CNRIP1: variants seen among roughly 807,000 people sequenced by gnomAD.
The protein encoded by CNRIP1 is cannabinoid receptor interacting protein 1, also known as CB1 cannabinoid receptor-interacting protein 1.
A neutral mutation model predicts 15.2 loss-of-function variants in CNRIP1; 10 were observed. That is an observed-to-expected ratio of 0.66 (90% confidence interval 0.41 to 1.12). CNRIP1 has a LOEUF of 1.12. Ranked by LOEUF, CNRIP1 falls within the 50% of genes most tolerant of loss-of-function variation. The pLI, the probability that CNRIP1 is intolerant of heterozygous loss-of-function variation, is 0.00. For missense variants in CNRIP1, 211 were observed against 214.7 expected (o/e 0.98, Z 0.11); for synonymous variants, 91 against 83.2 (o/e 1.09, Z -0.51).
chr2:68,303,879 C>A (rs1238216724), intron 2 of CNRIP1, among the ~76,000 whole-genome samples: 1 of 152,148 alleles, frequency 6.6e-6, no homozygotes, highest in Non-Finnish European at 1.5e-5. Context: ...GAGTTTGAGA[C>A]CAGCTTGGCA....
At chr2:68,288,813 T>G (rs1463331228), downstream of CNRIP1, among the ~76,000 whole-genome samples, 1 of 152,142 alleles carries the variant, frequency 6.6e-6, no homozygotes, top group African/African-American at 2.4e-5. Flanking sequence ...AAACAAACAC[T>G]GCAGGAGAGT....
At chr2:68,286,366 T>A (rs1287381672) in intron 2 of CNRIP1, among the ~76,000 whole-genome samples, 1 of 151,978 alleles carries the variant, frequency 6.6e-6, no homozygotes, top group Admixed American at 6.6e-5. Flanking sequence ...ATTATATAGA[T>A]CTACTTCACA....
Position 68,319,336 on chromosome 2 carries a change from G to T in CNRIP1, c.65C>A (p.Pro22Gln). Residue 22 changes from proline (P) to glutamine (Q), a missense_variant, in exon 1 of 3, where the codon CCG becomes CAG. Transcript: ENST00000263655. The part of the protein sequence containing the change: ...IALRIQPNDG[P>Q]VFYKVDGQRF... ...CTGCCCGTCCACCTTGTAAAAGACCGGGCCGTCATTAGGCTGGATGCGCAG... is the reference window on the plus strand; with the variant it reads ...CTGCCCGTCCACCTTGTAAAAGACCTGGCCGTCATTAGGCTGGATGCGCAG... 1 of 1,573,076 alleles carries T rather than the reference G, an allele frequency of 6.4e-7. No homozygotes were observed. The highest frequency in any genetic ancestry group is 8.6e-7 in the Non-Finnish European group (1 of 1,159,174).
At chr2:68,314,873 A>G (rs985120198) in intron 2 of CNRIP1, among the ~76,000 whole-genome samples, 2 of 152,070 alleles carry the variant, frequency 1.3e-5, no homozygotes, top group Non-Finnish European at 2.9e-5. Flanking sequence ...CTGAAATAAT[A>G]TCTAAATCTG....
At position 68,306,124 on chromosome 2, in the gene CNRIP1, C is replaced by CAAAAAAAAAAAAAAAAAAAAAA. The variant is rs61586261; in HGVS notation, c.330+11011_330+11032dup. Reference sequence around the variant, plus strand: ...CTGGGCAGCAGAGACCCCACCTCTACAAAAAAAAAAAAAAAAAAAAAAAAA... The same window carrying CAAAAAAAAAAAAAAAAAAAAAA: ...CTGGGCAGCAGAGACCCCACCTCTACAAAAAAAAAAAAAAAAAAAAAAAAAAAAAAAAAAAAAAAAAAAAAAA... On this transcript the variant is annotated intron_variant, in intron 2 of 2. Coordinates refer to ENST00000263655, the MANE Select transcript of CNRIP1 (RefSeq NM_015463.3). 1.0e-3 allele frequency among the ~76,000 whole-genome samples: 26 copies of CAAAAAAAAAAAAAAAAAAAAAA among 25,340 alleles called. 4 individuals are homozygous for CAAAAAAAAAAAAAAAAAAAAAA. The highest frequency in any genetic ancestry group is 2.3e-3 in the African/African-American group (16 of 6,836). 16.6% of individuals were successfully genotyped at this position (25,340 alleles called of 152,430 possible).
At chr2:68,284,477 A>G (rs1340180535) in exon 3 of CNRIP1, 4 of 1,540,344 alleles carry the variant, frequency 2.6e-6, no homozygotes, top group Non-Finnish European at 8.8e-7. Flanking sequence ...TCGTTGTTCC[A>G]GGCACTCCTG....
At chr2:68,315,086 AAATT>A (rs1672221018) in intron 2 of CNRIP1, among the ~76,000 whole-genome samples, 3 of 152,120 alleles carry the variant, frequency 2.0e-5, no homozygotes, top group Non-Finnish European at 4.4e-5. Context: ...AACAAAATAA[AAATT>A]AAAATATTAA....
downstream of CNRIP1, among the ~76,000 whole-genome samples, chr2:68,291,358 C>G (rs1671164103): frequency 6.6e-6 from 1 of 151,858 alleles, no homozygotes; most frequent in Non-Finnish European, 1.5e-5. Flanking sequence ...CTTCAGAATT[C>G]TACTAGTCTA....
chr2:68,293,810 C>T lies in CNRIP1; in HGVS notation c.*52G>A. 6.3e-7 allele frequency: 1 copy of T among 1,594,338 alleles called. No homozygotes were observed. Among genetic ancestry groups the T allele is most frequent in the Non-Finnish European group, 8.6e-7 (1 of 1,166,742 alleles). ...TTGTTTAAGGCCTGCGCTGGTTTAT[C>T]TAAAAGTAGATTTCTGAAAAGATTG... On this transcript the variant is annotated 3_prime_UTR_variant, in exon 3 of 3. Transcript: ENST00000263655.
chr2:68,307,241 G>A (rs1471618044), intron 2 of CNRIP1, among the ~76,000 whole-genome samples: 3 of 152,226 alleles, frequency 2.0e-5, no homozygotes, highest in African/African-American at 7.2e-5. Context: ...ACAATTGTAT[G>A]TATTGTCTAA....
chr2:68,301,565 G>A (rs1284981471), intron 2 of CNRIP1, among the ~76,000 whole-genome samples: 1 of 152,062 alleles, frequency 6.6e-6, no homozygotes, highest in African/African-American at 2.4e-5. Context: ...AGAGTAAAAC[G>A]GTCTATCCAG....
In CNRIP1 at chr2:68,304,924, C is replaced by G. The variant is rs542771431; in HGVS notation, c.331-10898G>C. On this transcript the variant is annotated intron_variant, in intron 2 of 2. Coordinates refer to ENST00000263655, the MANE Select transcript of CNRIP1 (RefSeq NM_015463.3). ...CAATCCAATGACATTTTAAAGTCAC[C>G]AACATTTCAAACTTATGTATTAAAA... is the stretch of plus-strand genomic sequence containing the variant. Among the ~76,000 whole-genome samples the G allele has an allele frequency of 3.3e-5, 5 of 151,998 alleles. No individual in the cohort carries two copies. The East Asian group carries it at 9.6e-4, about 29-fold the overall frequency.
intron 2 of CNRIP1, among the ~76,000 whole-genome samples, chr2:68,285,088 A>C (rs950720318): frequency 1.3e-5 from 2 of 152,186 alleles, no homozygotes; most frequent in Non-Finnish European, 1.5e-5. Flanking sequence ...GGGAGGAACA[A>C]GCACAAGTTC....
chr2:68,306,124 CAAA>C (rs61586261), intron 2 of CNRIP1, among the ~76,000 whole-genome samples: 82 of 25,324 alleles, frequency 3.2e-3, no homozygotes, highest in African/African-American at 9.7e-3. Flanking sequence ...CCCACCTCTA[CAAA>C]AAAAAAAAAA....
intron 2 of CNRIP1, among the ~76,000 whole-genome samples, chr2:68,307,603 G>A (rs1019082467): frequency 2.6e-5 from 4 of 152,186 alleles, no homozygotes; most frequent in African/African-American, 9.7e-5. Flanking sequence ...TGGATTTATA[G>A]GTGTGAGCCA....
In CNRIP1 at chr2:68,294,045, G is replaced by C. The variant is rs752846927; in HGVS notation, c.331-19C>G. 7.2e-5 allele frequency: 116 copies of C among 1,610,238 alleles called. No homozygotes were observed. The highest frequency in any genetic ancestry group is 1.5e-4 in the Admixed American group (9 of 59,614). On this transcript the variant is annotated intron_variant, in intron 2 of 2. Coordinates refer to ENST00000263655, the MANE Select transcript of CNRIP1 (RefSeq NM_015463.3). Reference sequence around the variant, plus strand: ...CTGTGAACTGAGGGAAGAGAAACATGCCTGATAAAAAACCTCATTCTGCCA... The same window carrying C: ...CTGTGAACTGAGGGAAGAGAAACATCCCTGATAAAAAACCTCATTCTGCCA...
intron 2 of CNRIP1, among the ~76,000 whole-genome samples, chr2:68,300,525 G>A (rs1275125731): frequency 6.6e-6 from 1 of 152,118 alleles, no homozygotes; most frequent in Admixed American, 6.6e-5. Flanking sequence ...GCTGAGGCAG[G>A]AGAATTGCTT....
At chr2:68,294,271 C>A (rs963888499) in intron 2 of CNRIP1, among the ~76,000 whole-genome samples, 4 of 152,208 alleles carry the variant, frequency 2.6e-5, no homozygotes, top group African/African-American at 9.6e-5. Context: ...TGCAAACGTG[C>A]CACTCGCTAT....
downstream of CNRIP1, among the ~76,000 whole-genome samples, chr2:68,291,254 T>C (rs915304969): frequency 1.3e-5 from 2 of 152,058 alleles, no homozygotes; most frequent in Non-Finnish European, 2.9e-5. Flanking sequence ...AGGAAACACA[T>C]ACACATACGA....
Sources: allele counts gnomAD v4.1 joint callset (sites outside exome capture counted in the v4.1 genomes callset), GRCh38; gene constraint gnomAD v4.1.1; transcripts MANE v1.5; gene names NCBI Gene and HGNC (gene_info 2026-07-23, HGNC 2026-07-21).